The following ABCB6 variants were observed in gnomAD, a reference collection of about 807,000 sequenced individuals.
The protein encoded by ABCB6 is ATP-binding cassette sub-family B member 6.
In ABCB6, 87 loss-of-function variants were observed where a neutral mutation model predicts 99.4. The ratio of observed to expected loss-of-function variants is 0.88; its 90% CI spans 0.74 to 1.05. The LOEUF is 1.05. Ranked by LOEUF, ABCB6 falls within the 50% of genes least tolerant of loss-of-function variation. ABCB6 has a pLI of 0.00. For missense variants in ABCB6, 1,050 were observed against 1,097.9 expected (o/e 0.96, Z 0.62); for synonymous variants, 482 against 447.5 (o/e 1.08, Z -0.97).
chr2:219,212,565 C>G (rs1337833988), intron 13 of ABCB6, 74 bp from the exon 14 acceptor site: 3 of 1,169,604 alleles, frequency 2.6e-6, no homozygotes, highest in East Asian at 4.8e-5. Context: ...CTCCGTCACC[C>G]AGGCTGCAGT....
In ABCB6 at chr2:219,214,457, G is replaced by A. The variant is rs771792814; in HGVS notation, c.1318C>T (p.Arg440Cys). Residue 440 changes from arginine (R) to cysteine (C), a missense_variant, in exon 7 of 19, where the codon CGT (arginine) becomes TGT (cysteine). Transcript: ENST00000265316. Reference protein sequence around the residue: ...VVTEWRTKFRRAMNTQENATR... With the variant: ...VVTEWRTKFRCAMNTQENATR... ...GCGTTCTCCTGTGTGTTCATAGCAC[G>A]ACGAAACTTGGTTCTCCACTCAGTG... 2.0e-5 allele frequency: 33 copies of A among 1,614,034 alleles called. No homozygotes were observed. Among genetic ancestry groups the A allele is most frequent in the Non-Finnish European group, 2.5e-5 (30 of 1,180,040 alleles).
chr2:219,218,060 G>C, intron 1 of ABCB6, 65 bp downstream of exon 1: 2 of 1,523,436 alleles, frequency 1.3e-6, no homozygotes, highest in Non-Finnish European at 1.8e-6. Flanking sequence ...AGTGTGACTG[G>C]ACATGCAGTG....
intron 16 of ABCB6, 77 bp from the exon 17 acceptor site, chr2:219,210,552 C>T (rs1574808667): frequency 1.3e-6 from 2 of 1,590,946 alleles, no homozygotes; most frequent in Non-Finnish European, 8.6e-7. Context: ...CTGGCTGAGG[C>T]CTCAAGAATA....
At chr2:219,214,601 C>A in intron 6 of ABCB6, 103 bp from the exon 7 acceptor site, 1 of 842,392 alleles carries the variant, frequency 1.2e-6, no homozygotes, top group Non-Finnish European at 1.9e-6. Flanking sequence ...AGCCTATGCT[C>A]AAGCCCGGAC....
chr2:219,218,480 C>G lies in ABCB6; in HGVS notation c.194G>C (p.Gly65Ala). 1 of 1,608,044 alleles carries G rather than the reference C, an allele frequency of 6.2e-7. No homozygotes were observed. The highest frequency in any genetic ancestry group is 8.5e-7 in the Non-Finnish European group (1 of 1,177,780). Residue 65 changes from glycine to alanine, a missense_variant, in exon 1 of 19, where the codon GGG (glycine) becomes GCG (alanine). Transcript: ENST00000265316. ...RPAGADSLSW[G>A]AGPRISPYVL... is the part of the protein sequence containing the mutation. ...GTAGGGAGAGATGCGAGGGCCGGCC[C>G]CCCAAGACAGCGAATCAGCACCAGC...
At position 219,215,073 on chromosome 2, in the gene ABCB6, C is replaced by T. The variant is rs779780374; in HGVS notation, c.1164G>A (p.Val388=). The change falls in exon 6 of 19, where the codon GTG becomes GTA. Residue 388 remains valine, a synonymous_variant. Coordinates refer to ENST00000265316, the MANE Select transcript of ABCB6 (RefSeq NM_005689.4). ...CGGCCAGCGTGGGGATGACATTGAA[C>T]ACCAGGTAGCTAGGAGGGCAGGTCA... ...SSVTGLLSYL[V]FNVIPTLADI... 1.2e-6 allele frequency: 2 copies of T among 1,613,992 alleles called. No individual in the cohort carries two copies. The highest frequency in any genetic ancestry group is 1.7e-5 in the Admixed American group (1 of 60,000).
intron 16 of ABCB6, 117 bp downstream of exon 16, chr2:219,210,593 GA>G (rs1950564264): frequency 1.3e-6 from 2 of 1,590,778 alleles, no homozygotes; most frequent in South Asian, 1.1e-5. Context: ...TTGAGAACTG[GA>G]AAGTGTGTTT....
At chr2:219,215,319 A>G in intron 5 of ABCB6, 1 of 493,808 alleles carries the variant, frequency 2.0e-6, no homozygotes, top group Non-Finnish European at 3.6e-6. Context: ...ATATCTCCAT[A>G]ATGTTCTGTT....
Position 219,216,066 on chromosome 2 carries a change from A to G in ABCB6, c.1085T>C (p.Leu362Pro). Reference protein sequence around the residue: ...HLHELSLRWHLGRRTGEVLRI... With the variant: ...HLHELSLRWHPGRRTGEVLRI... The stretch of plus-strand genomic sequence containing the variant: ...CAGCACCTCCCCTGTGCGGCGCCCC[A>G]GGTGCCAGCGCAGTGAGAGCTCGTG... The change falls in exon 5 of 19, where the codon CTG becomes CCG. Residue 362 changes from leucine (L) to proline (P), a missense_variant. Leu to Pro is a moderately conservative substitution (Grantham distance 98, BLOSUM62 -3). Coordinates refer to ENST00000265316, the MANE Select transcript of ABCB6 (RefSeq NM_005689.4). The surrounding 1 kb of genome is among the most constrained non-coding windows in gnomAD (Gnocchi z 4.2). 1 of 1,605,096 alleles carries G rather than the reference A, an allele frequency of 6.2e-7. No individual in the cohort carries two copies. Among genetic ancestry groups the G allele is most frequent in the East Asian group, 2.2e-5 (1 of 44,544 alleles).
At position 219,218,304 on chromosome 2, in the gene ABCB6, G is replaced by T. The variant is rs1950672915; in HGVS notation, c.370C>A (p.Leu124Met). 6.2e-7 allele frequency: 1 copy of T among 1,613,268 alleles called. No individual in the cohort carries two copies. The highest frequency in any genetic ancestry group is 1.7e-5 in the Admixed American group (1 of 60,036). ...ESLAGACGLW[L>M]LVVERSQARQ... The stretch of plus-strand genomic sequence containing the variant: ...GCCTGGCTCCGCTCCACGACAAGCA[G>T]CCACAGGCCACAGGCGCCGGCCAGA... Residue 124 changes from leucine to methionine, a missense_variant, in exon 1 of 19, where the codon CTG becomes ATG. Leu to Met is a conservative substitution (Grantham distance 15). Transcript: ENST00000265316.
Position 219,216,864 on chromosome 2 carries a change from C to T in ABCB6, c.688-32G>A. 1 of 1,583,948 alleles carries T rather than the reference C, an allele frequency of 6.3e-7. No individual in the cohort carries two copies. Among genetic ancestry groups the T allele is most frequent in the South Asian group, 1.1e-5 (1 of 87,792 alleles). ...TGGTGAAACACGTAGGAAGGGAGCT[C>T]AGAAATCAAGTAAGTGCACTAGCCA... is the stretch of plus-strand genomic sequence containing the variant. On this transcript the variant is annotated intron_variant, in intron 2 of 18. Transcript: ENST00000265316. This position sits in a 1 kb window ranked among gnomAD's most constrained non-coding sequence, Gnocchi z 4.2.
At position 219,210,056 on chromosome 2, in the gene ABCB6, G is replaced by A. The variant is rs1950555576; in HGVS notation, c.2421-10C>T. 3 of 1,613,108 alleles carry A rather than the reference G, an allele frequency of 1.9e-6. No individual in the cohort carries two copies. Among genetic ancestry groups the A allele is most frequent in the East Asian group, 4.5e-5 (2 of 44,888 alleles). ...CAACAGAGCCTCGTGTCTGGGGTGA[G>A]GAGAAAAGTGTGAGTCCTAACCATT... On this transcript the variant is annotated splice_polypyrimidine_tract_variant and intron_variant, in intron 18 of 18. Transcript: ENST00000265316.
intron 5 of ABCB6, 56 bp downstream of exon 5, chr2:219,215,941 C>A (rs1358293511): frequency 2.7e-6 from 4 of 1,474,380 alleles, no homozygotes; most frequent in South Asian, 1.4e-5. Context: ...CCACGGGCCC[C>A]TATCCCTGCT....
At chr2:219,213,383 G>A (rs1265737881) in intron 11 of ABCB6, 56 bp downstream of exon 11, 2 of 1,613,618 alleles carry the variant, frequency 1.2e-6, no homozygotes, top group East Asian at 2.2e-5. Flanking sequence ...TTCCAAGCAC[G>A]AGAAACACCA....
At chr2:219,214,758 G>C (rs182996670) in intron 6 of ABCB6, 2 of 654,312 alleles carry the variant, frequency 3.1e-6, no homozygotes, top group Non-Finnish European at 5.2e-6. Context: ...AACGTGACAA[G>C]AATGTCCTTC....
intron 16 of ABCB6, 65 bp downstream of exon 16, chr2:219,210,646 G>C: frequency 6.2e-7 from 1 of 1,608,912 alleles, no homozygotes; most frequent in Non-Finnish European, 8.5e-7. Flanking sequence ...GGTGGGGACA[G>C]TGCCCAGGAG....
rs1390458638 is a variant in ABCB6, at chr2:219,216,441, G to A, written c.893C>T (p.Pro298Leu). 2.5e-6 allele frequency: 4 copies of A among 1,614,040 alleles called. No homozygotes were observed. The highest frequency in any genetic ancestry group is 3.4e-6 in the Non-Finnish European group (4 of 1,179,992). ...AACAGTCCAGGCCAGAGAGTTCCAAGGTGCCTTCTCAGTCAGCAAGTTCAC... is the reference window on the plus strand; with the variant it reads ...AACAGTCCAGGCCAGAGAGTTCCAAAGTGCCTTCTCAGTCAGCAAGTTCAC... ...NIVNLLTEKAPWNSLAWTVTS... is the reference protein window; with the variant it reads ...NIVNLLTEKALWNSLAWTVTS... The change falls in exon 4 of 19, where the codon CCT becomes CTT. Residue 298 changes from proline to leucine, a missense_variant. Coordinates refer to ENST00000265316, the MANE Select transcript of ABCB6 (RefSeq NM_005689.4). This position sits in a 1 kb window ranked among gnomAD's most constrained non-coding sequence, Gnocchi z 4.2.
chr2:219,212,568 G>T, intron 13 of ABCB6, 77 bp from the exon 14 acceptor site: 1 of 1,134,324 alleles, frequency 8.8e-7, no homozygotes, highest in Non-Finnish European at 1.3e-6. Flanking sequence ...CGTCACCCAG[G>T]CTGCAGTGCA....
intron 18 of ABCB6, 64 bp from the exon 19 acceptor site, chr2:219,210,110 G>C (rs1266537618): frequency 6.3e-7 from 1 of 1,596,840 alleles, no homozygotes; most frequent in East Asian, 2.2e-5. Context: ...CTTGCCACCA[G>C]CCCACAGAGA....
Sources: gnomAD v4.1 joint callset for allele counts on GRCh38, gnomAD v4.1.1 for gene constraint, Gnocchi (gnomAD v3.1) non-coding constraint, MANE v1.5 for transcripts, NCBI Gene and HGNC (gene_info 2026-07-23, HGNC 2026-07-21) for gene names.